Variants in PHACTR4 observed in about 807,000 individuals in gnomAD.
The protein encoded by PHACTR4 is phosphatase and actin regulator 4.
In PHACTR4, 51 loss-of-function variants were observed where a neutral mutation model predicts 72.7. That is an observed-to-expected ratio of 0.70 (90% CI 0.56 to 0.89). The LOEUF (loss-of-function observed/expected upper bound fraction) is 0.89, where lower values mean the gene tolerates loss of function less well. Among genes scored for constraint, PHACTR4 ranks in the 40% least tolerant of loss-of-function variants. The pLI, the probability that PHACTR4 is intolerant of heterozygous loss-of-function variation, is 0.00. For synonymous variants in PHACTR4, 255 were observed against 302.5 expected (o/e 0.84, Z 1.63); for missense variants, 731 against 861.8 (o/e 0.85, Z 1.90).
chr1:28,450,757 C>T (rs1406172268), intron 2 of PHACTR4, among the ~76,000 whole-genome samples: 1 of 151,854 alleles, frequency 6.6e-6, no homozygotes, highest in African/African-American at 2.4e-5. Context: ...GTATCTGGGA[C>T]TGCAGGTGCA....
At chr1:28,398,687 C>G (rs1339434145) in intron 1 of PHACTR4, among the ~76,000 whole-genome samples, 1 of 151,846 alleles carries the variant, frequency 6.6e-6, no homozygotes, top group Non-Finnish European at 1.5e-5. Context: ...GGCGTGGGGG[C>G]ACATGCCTAT....
At chr1:28,406,111 TTGAC>T (rs1012625363) in intron 1 of PHACTR4, among the ~76,000 whole-genome samples, 11 of 152,154 alleles carry the variant, frequency 7.2e-5, no homozygotes, top group African/African-American at 1.4e-4. Flanking sequence ...AATAATAAAT[TTGAC>T]TGATAAGATT....
intron 1 of PHACTR4, among the ~76,000 whole-genome samples, chr1:28,387,070 G>C (rs1055008318): frequency 6.6e-6 from 1 of 151,932 alleles, no homozygotes. Flanking sequence ...AGACAACCCT[G>C]GCCAACATGG....
chr1:28,496,354 C>A (rs537421819), intron 13 of PHACTR4, among the ~76,000 whole-genome samples, 180 bp from the exon 14 acceptor site: 2 of 151,956 alleles, frequency 1.3e-5, no homozygotes, highest in East Asian at 3.9e-4. Flanking sequence ...TTGCGCCCAG[C>A]CGAGAAGAGT....
intron 2 of PHACTR4, among the ~76,000 whole-genome samples, chr1:28,434,360 C>T (rs1656492432): frequency 6.7e-6 from 1 of 149,638 alleles, no homozygotes; most frequent in Non-Finnish European, 1.5e-5. Context: ...TCACTCTTGT[C>T]ACCCCGGCTG....
chr1:28,458,108 T>TTGTGTGTGTGTG (rs539564108), intron 2 of PHACTR4, among the ~76,000 whole-genome samples: 23 of 120,352 alleles, frequency 1.9e-4, no homozygotes, highest in East Asian at 9.2e-4. Context: ...GTGTGTGTGT[T>TTGTGTGTGTGTG]TGTGTGTGTG....
At chr1:28,469,487 G>C (rs1485991265) in intron 6 of PHACTR4, among the ~76,000 whole-genome samples, 1 of 152,220 alleles carries the variant, frequency 6.6e-6, no homozygotes, top group Non-Finnish European at 1.5e-5. Flanking sequence ...AGATGCTGTT[G>C]TCAGGGTATA....
In PHACTR4 at chr1:28,450,974, C is replaced by CTTTTTTTTTT. The variant is rs1188704308; in HGVS notation, c.17-8100_17-8091dup. Among the ~76,000 whole-genome samples the CTTTTTTTTTT allele has an allele frequency of 5.7e-3, 409 of 71,970 alleles. 11 individuals are homozygous for CTTTTTTTTTT. Among genetic ancestry groups the CTTTTTTTTTT allele is most frequent in the African/African-American group, 9.1e-3 (133 of 14,602 alleles). 47.2% of individuals were successfully genotyped at this position (71,970 alleles called of 152,430 possible). On this transcript the variant is annotated intron_variant, in intron 2 of 13. Coordinates refer to ENST00000373839, the MANE Select transcript of PHACTR4 (RefSeq NM_001048183.3). The stretch of plus-strand genomic sequence containing the variant: ...TACAGGCATGTACCACCACACCCAG[C>CTTTTTTTTTT]TTTTTTTTTTTTTTTTTTTTGTATT...
intron 2 of PHACTR4, among the ~76,000 whole-genome samples, chr1:28,433,714 T>C (rs1656442818): frequency 6.6e-6 from 1 of 152,044 alleles, no homozygotes; most frequent in Non-Finnish European, 1.5e-5. Flanking sequence ...CGCCTCGGTT[T>C]CTGAAAGTGC....
chr1:28,472,750 C>T (rs1178143193), intron 6 of PHACTR4, among the ~76,000 whole-genome samples: 1 of 151,190 alleles, frequency 6.6e-6, no homozygotes, highest in Non-Finnish European at 1.5e-5. Flanking sequence ...ATTATAGGTG[C>T]CCACCACCAC....
chr1:28,479,765 C>T (rs1219978493), intron 8 of PHACTR4, among the ~76,000 whole-genome samples: 4 of 151,812 alleles, frequency 2.6e-5, no homozygotes, highest in Admixed American at 6.6e-5. Context: ...TGGTGACCCA[C>T]GCCTATAATC....
At position 28,489,082 on chromosome 1, in the gene PHACTR4, G is replaced by A. The variant is rs115862569; in HGVS notation, c.1761-88G>A. ...TTTGTTGATTTCTTACTTATATAGG[G>A]GCTAATATATACTGTGACCAAAAAA... On this transcript the variant is annotated intron_variant, in intron 9 of 13. Transcript: ENST00000373839. 6.2e-4 allele frequency: 559 copies of A among 894,808 alleles called. 2 individuals are homozygous for A. The African/African-American group carries it at 8.2e-3, about 13-fold the overall frequency. The allele number at this position is 894,808 out of a possible 1,614,324, so 55.4% of individuals were successfully genotyped here. A position where few individuals can be genotyped will look rare whatever the true frequency, so the allele number is the denominator to read the frequency against.
chr1:28,377,720 A>C (rs905246844), intron 1 of PHACTR4, among the ~76,000 whole-genome samples: 23 of 151,340 alleles, frequency 1.5e-4, no homozygotes, highest in African/African-American at 4.1e-4. Context: ...AGTCCCAGCT[A>C]CTCTGGAGGC....
At chr1:28,419,036 T>C (rs1167278852) in intron 2 of PHACTR4, among the ~76,000 whole-genome samples, 1 of 149,840 alleles carries the variant, frequency 6.7e-6, no homozygotes, top group Non-Finnish European at 1.5e-5. Context: ...ATATCTACTT[T>C]TATGATTTTT....
At chr1:28,481,595 G>C (rs1475157816) in intron 9 of PHACTR4, 2 of 152,012 alleles carry the variant, frequency 1.3e-5, no homozygotes, top group Non-Finnish European at 2.9e-5. Flanking sequence ...TTCAAGACCA[G>C]CCTGACCAAT....
chr1:28,420,970 T>C (rs771955192), intron 2 of PHACTR4, among the ~76,000 whole-genome samples: 6 of 152,212 alleles, frequency 3.9e-5, no homozygotes, highest in African/African-American at 7.2e-5. Flanking sequence ...ACTCCCCTTT[T>C]TAATGGGTTT....
intron 1 of PHACTR4, among the ~76,000 whole-genome samples, chr1:28,386,988 C>T (rs1220707045): frequency 1.3e-5 from 2 of 151,888 alleles, no homozygotes; most frequent in African/African-American, 4.8e-5. Context: ...TCAGGCTGGG[C>T]GAGATGGCTC....
intron 1 of PHACTR4, among the ~76,000 whole-genome samples, chr1:28,371,962 A>G (rs180719246): frequency 5.2e-4 from 78 of 151,318 alleles, no homozygotes; most frequent in Non-Finnish European, 1.1e-3. Flanking sequence ...GCTCACTGCA[A>G]CCTCTTCCTC....
chr1:28,371,627 C>T (rs994014666), intron 1 of PHACTR4, among the ~76,000 whole-genome samples: 2 of 151,564 alleles, frequency 1.3e-5, no homozygotes, highest in African/African-American at 2.4e-5. Flanking sequence ...GAAATAGGGT[C>T]TCGCTGGGTT....
Sources: allele counts gnomAD v4.1 joint callset (sites outside exome capture counted in the v4.1 genomes callset), GRCh38; gene constraint gnomAD v4.1.1; transcripts MANE v1.5; gene names NCBI Gene and HGNC (gene_info 2026-07-23, HGNC 2026-07-21).